Variants in CRTAC1 observed in about 807,000 individuals in gnomAD.
CRTAC1 encodes acidic secreted protein in cartilage.
A neutral mutation model predicts 67.8 loss-of-function variants in CRTAC1; 37 were observed. The ratio of observed to expected loss-of-function variants is 0.55; its 90% CI spans 0.42 to 0.72. CRTAC1 has a LOEUF of 0.72. CRTAC1 is among the 30% of genes least tolerant of loss of function. CRTAC1 has a pLI of 0.00. For synonymous variants in CRTAC1, 348 were observed against 371.0 expected (o/e 0.94, Z 0.71); for missense variants, 780 against 931.6 (o/e 0.84, Z 2.12).
Position 98,016,408 on chromosome 10 carries a change from C to T in CRTAC1, c.25-5071G>A, listed in dbSNP as rs187013593. Among the ~76,000 whole-genome samples, 7 of 152,234 alleles carry T rather than the reference C, an allele frequency of 4.6e-5. No homozygotes were observed. The East Asian group carries it at 7.7e-4, about 17-fold the overall frequency. On this transcript the variant is annotated intron_variant, in intron 1 of 14. Transcript: ENST00000370597. ...CAATTTGTCATAGGTGTTTAAAAGC[C>T]GTTCTTCCTCTAAAGAAATGCTCCT...
In CRTAC1 at chr10:97,937,971, T is replaced by C. The variant is rs576703872; in HGVS notation, c.225-1605A>G. Among the ~76,000 whole-genome samples the C allele has an allele frequency of 1.9e-3, 282 of 152,362 alleles. 1 individual carries two copies. Among genetic ancestry groups the C allele is most frequent in the Non-Finnish European group, 2.4e-3 (163 of 68,036 alleles). ...TCTAAGGTCTTTGAGAGAAATCACG[T>C]CTTTCTTTCCTGAAACAAATCCAGT... On this transcript the variant is annotated intron_variant, in intron 2 of 14. Transcript: ENST00000370597.
At chr10:97,916,268 G>T (rs145355340) in intron 5 of CRTAC1, among the ~76,000 whole-genome samples, 2 of 152,152 alleles carry the variant, frequency 1.3e-5, no homozygotes, top group African/African-American at 4.8e-5. Context: ...AGGCTGAAGC[G>T]CCTGCATGTT....
chr10:97,880,133 C>T, intron 14 of CRTAC1, 116 bp downstream of exon 14: 1 of 1,253,128 alleles, frequency 8.0e-7, no homozygotes, highest in Non-Finnish European at 1.1e-6. Context: ...TCAAAGGAGA[C>T]TCTATCCAGC....
At chr10:97,890,888 A>G (rs1291428325) in intron 11 of CRTAC1, among the ~76,000 whole-genome samples, 1 of 152,082 alleles carries the variant, frequency 6.6e-6, no homozygotes, top group Non-Finnish European at 1.5e-5. Context: ...GCTGGTCTCA[A>G]ACTCCTGACC....
chr10:97,952,540 A>T (rs2051374724), intron 2 of CRTAC1, among the ~76,000 whole-genome samples: 1 of 44,646 alleles, frequency 2.2e-5, no homozygotes, highest in East Asian at 7.9e-4. Flanking sequence ...TTCCATCTCA[A>T]AAAAAAAAAA....
chr10:97,941,734 G>A (rs1057135622), intron 2 of CRTAC1, among the ~76,000 whole-genome samples: 19 of 151,958 alleles, frequency 1.3e-4, no homozygotes, highest in African/African-American at 4.6e-4. Context: ...ACCATCTCTG[G>A]GCAGACACCC....
chr10:97,903,096 G>A (rs1413722450), intron 7 of CRTAC1, among the ~76,000 whole-genome samples: 1 of 151,106 alleles, frequency 6.6e-6, no homozygotes, highest in Non-Finnish European at 1.5e-5. Flanking sequence ...TGATAAATAG[G>A]GCATTTATGT....
chr10:97,940,322 G>A lies in CRTAC1; in HGVS notation c.225-3956C>T, dbSNP rs182292449. Among the ~76,000 whole-genome samples, 678 of 152,314 alleles carry A rather than the reference G, an allele frequency of 4.5e-3. 4 individuals carry two copies. Among genetic ancestry groups the A allele is most frequent in the Non-Finnish European group, 6.8e-3 (465 of 68,032 alleles). ...CTGGGAAGCTGAGTGTGAGCTACAT[G>A]GGCTTACACACTTTCTCTCTCTGAC... On this transcript the variant is annotated intron_variant, in intron 2 of 14. Coordinates refer to ENST00000370597, the MANE Select transcript of CRTAC1 (RefSeq NM_018058.7).
At chr10:97,993,171 C>T (rs1842492406) in intron 2 of CRTAC1, among the ~76,000 whole-genome samples, 1 of 152,082 alleles carries the variant, frequency 6.6e-6, no homozygotes. Context: ...GGACTGGAGG[C>T]TCAATGATAC....
At chr10:97,998,475 A>C (rs958745835) in intron 2 of CRTAC1, among the ~76,000 whole-genome samples, 6 of 152,234 alleles carry the variant, frequency 3.9e-5, no homozygotes, top group African/African-American at 1.4e-4. Context: ...AATAATGGGC[A>C]TCTGAAAAGA....
At chr10:97,953,818 T>G (rs1351188492) in intron 2 of CRTAC1, among the ~76,000 whole-genome samples, 1 of 152,244 alleles carries the variant, frequency 6.6e-6, no homozygotes, top group Non-Finnish European at 1.5e-5. Flanking sequence ...TTTCCTCCTA[T>G]TCATGAGCAA....
At position 97,865,695 on chromosome 10, in the gene CRTAC1, C is replaced by T. The variant is rs1193888972; in HGVS notation, c.1839G>A (p.Pro613=). ...CGGTGGGGGTGGTGGGGCGGGGGCCCGGTGACTGGCCGAGAGTCCCTGTAG... is the reference window on the plus strand; with the variant it reads ...CGGTGGGGGTGGTGGGGCGGGGGCCTGGTGACTGGCCGAGAGTCCCTGTAG... ...TACVGTLGQS[P]GPRPTTPTAA... Residue 613 remains proline, a synonymous_variant, in exon 15 of 15, where the codon CCG becomes CCA. Coordinates refer to ENST00000370597, the MANE Select transcript of CRTAC1 (RefSeq NM_018058.7). 5 of 1,604,512 alleles carry T rather than the reference C, an allele frequency of 3.1e-6. No individual in the cohort carries two copies. The highest frequency in any genetic ancestry group is 3.4e-6 in the Non-Finnish European group (4 of 1,175,632).
At position 97,917,509 on chromosome 10, in the gene CRTAC1, T is replaced by C. The variant is rs1222570523; in HGVS notation, c.706A>G (p.Lys236Glu). 1 of 1,578,714 alleles carries C rather than the reference T, an allele frequency of 6.3e-7. No homozygotes were observed. Residue 236 changes from lysine to glutamate, a missense_variant, in exon 5 of 15, where the codon AAA (lysine) becomes GAA (glutamate). Physicochemically the swap from Lys to Glu is moderately conservative, Grantham distance 56. Coordinates refer to ENST00000370597, the MANE Select transcript of CRTAC1 (RefSeq NM_018058.7). ...RDVAAEAGVS[K>E]YTGGRGVSVG... ...ATGTCACTCTGCATACCTGTATATT[T>C]GCTGACCCCAGCCTCAGCAGCCACA...
Position 98,030,426 on chromosome 10 carries a change from G to A in CRTAC1, c.24+23C>T. ...AGAAACTTTCTCCGCCTTAGGGTGG[G>A]GGGCACCGGTGCAGATACTCACGCC... is the stretch of plus-strand genomic sequence containing the variant. On this transcript the variant is annotated intron_variant, in intron 1 of 14. Coordinates refer to ENST00000370597, the MANE Select transcript of CRTAC1 (RefSeq NM_018058.7). This position sits in a 1 kb window ranked among gnomAD's most constrained non-coding sequence, Gnocchi z 4.2. 4 of 1,246,538 alleles carry A rather than the reference G, an allele frequency of 3.2e-6. No individual in the cohort carries two copies. The highest frequency in any genetic ancestry group is 3.0e-6 in the Non-Finnish European group (3 of 985,824). The allele number at this position is 1,246,538 out of a possible 1,614,324, so 77.2% of individuals were successfully genotyped here. A position where few individuals can be genotyped will look rare whatever the true frequency, so the allele number is the denominator to read the frequency against.
At chr10:97,908,249 TC>T in intron 5 of CRTAC1, 102 bp from the exon 6 acceptor site, 1 of 1,268,138 alleles carries the variant, frequency 7.9e-7, no homozygotes, top group Non-Finnish European at 1.1e-6. Flanking sequence ...CAGCAGAGGC[TC>T]CTCAGAGGAG....
intron 5 of CRTAC1, among the ~76,000 whole-genome samples, chr10:97,912,603 G>A (rs1328056428): frequency 2.6e-5 from 4 of 152,210 alleles, no homozygotes; most frequent in African/African-American, 4.8e-5. Flanking sequence ...CAGGGACTGG[G>A]GGGTGAGACA....
rs185646602 is a variant in CRTAC1 at position 98,013,644 on chromosome 10, C to A, written c.25-2307G>T. Among the ~76,000 whole-genome samples, 3 of 152,268 alleles carry A rather than the reference C, an allele frequency of 2.0e-5. No individual in the cohort carries two copies. The East Asian group carries it at 5.8e-4, about 29-fold the overall frequency. The stretch of plus-strand genomic sequence containing the variant: ...TAAAGGTTTGGAGTTCTCTAAAGGT[C>A]CTTTCTGGCTCTAAAATTCTATGAT... On this transcript the variant is annotated intron_variant, in intron 1 of 14. Coordinates refer to ENST00000370597, the MANE Select transcript of CRTAC1 (RefSeq NM_018058.7).
chr10:97,997,551 A>T (rs1842607890), intron 2 of CRTAC1, among the ~76,000 whole-genome samples: 1 of 151,998 alleles, frequency 6.6e-6, no homozygotes, highest in South Asian at 2.1e-4. Context: ...AGCCACCAGA[A>T]GTTAGTGGTA....
chr10:97,931,897 G>C (rs1590218208), intron 3 of CRTAC1, among the ~76,000 whole-genome samples: 1 of 152,186 alleles, frequency 6.6e-6, no homozygotes, highest in Non-Finnish European at 1.5e-5. Context: ...TGTGGAGGGA[G>C]GTGTCAGCAC....
Sources: gnomAD v4.1 joint callset for allele counts (sites outside exome capture counted in the v4.1 genomes callset) on GRCh38, gnomAD v4.1.1 for gene constraint, Gnocchi (gnomAD v3.1) non-coding constraint, MANE v1.5 for transcripts, NCBI Gene and HGNC (gene_info 2026-07-23, HGNC 2026-07-21) for gene names.